The following SLC17A1 variants were observed in gnomAD, a reference collection of about 807,000 sequenced individuals.
The protein encoded by SLC17A1 is sodium-dependent phosphate transport protein 1.
A neutral mutation model predicts 53.5 loss-of-function variants in SLC17A1; 51 were observed. The observed-to-expected ratio is 0.95, with a 90% CI of 0.76 to 1.20. The LOEUF is 1.20. Ranked by LOEUF, SLC17A1 falls within the 50% of genes most tolerant of loss-of-function variation. SLC17A1 has a pLI of 0.00. For missense variants in SLC17A1, 538 were observed against 568.2 expected, an observed-to-expected ratio of 0.95 and a Z score of 0.54; for synonymous variants, 179 against 198.8, an observed-to-expected ratio of 0.90 and a Z score of 0.84.
chr6:25,779,247 A>G (rs970722972), downstream of SLC17A1: 24 of 1,599,676 alleles, frequency 1.5e-5, no homozygotes, highest in Admixed American at 3.7e-4. Flanking sequence ...TCCCTCACAG[A>G]CATTTCTCTT....
chr6:25,799,387 C>CT (rs887071594), intron 11 of SLC17A1, among the ~76,000 whole-genome samples: 13 of 147,652 alleles, frequency 8.8e-5, no homozygotes, highest in Middle Eastern at 3.4e-3. Flanking sequence ...CATTGCAATC[C>CT]TTTTTTTTTT....
chr6:25,761,504 G>A, the SLC17A1 span, among the ~76,000 whole-genome samples: 3,678 of 152,256 alleles, frequency 0.024, 64 homozygotes, highest in Middle Eastern at 0.095. Context: ...ACGTAAAAGG[G>A]TGTTTGCTAT....
At chr6:25,757,056 A>G in the SLC17A1 span, among the ~76,000 whole-genome samples, 1 of 152,196 alleles carries the variant, frequency 6.6e-6, no homozygotes. Flanking sequence ...TCCATTTGCC[A>G]ATGAGTATTT....
At chr6:25,727,327 C>T in the SLC17A1 span, 1 of 1,540,630 alleles carries the variant, frequency 6.5e-7, no homozygotes, top group Middle Eastern at 1.8e-4. Flanking sequence ...AACCCAAAGG[C>T]TCTTTTCAGA....
At chr6:25,792,705 C>A (rs1234730894) in intron 12 of SLC17A1, among the ~76,000 whole-genome samples, 1 of 152,190 alleles carries the variant, frequency 6.6e-6, no homozygotes, top group Non-Finnish European at 1.5e-5. Flanking sequence ...GTAATAAACA[C>A]TCTTTAGTTG....
downstream of SLC17A1, among the ~76,000 whole-genome samples, chr6:25,781,935 G>A (rs1192389759): frequency 6.6e-6 from 1 of 152,234 alleles, no homozygotes; most frequent in Admixed American, 6.5e-5. Flanking sequence ...CTCGAAGAAG[G>A]AGTTGAAAAC....
At chr6:25,726,694 C>T in the SLC17A1 span, 3 of 1,074,684 alleles carry the variant, frequency 2.8e-6, no homozygotes, top group African/African-American at 1.6e-5. Context: ...CGCCACTTCC[C>T]ATTGTCCAAT....
At chr6:25,819,299 A>AT (rs1764464650) in intron 5 of SLC17A1, 145 bp from the exon 6 acceptor site, 22 of 698,660 alleles carry the variant, frequency 3.1e-5, no homozygotes, top group Non-Finnish European at 4.5e-5. Context: ...TAATAAAAAT[A>AT]TTTTCTTTTC....
At chr6:25,726,081 G>A in the SLC17A1 span, 5 of 1,467,924 alleles carry the variant, frequency 3.4e-6, no homozygotes, top group Non-Finnish European at 3.6e-6. Flanking sequence ...TCTGAAAAGA[G>A]CCTTTTGTTT....
At chr6:25,805,486 A>C (rs1203511362) in intron 10 of SLC17A1, among the ~76,000 whole-genome samples, 1 of 152,042 alleles carries the variant, frequency 6.6e-6, no homozygotes, top group Non-Finnish European at 1.5e-5. Flanking sequence ...AAAAGAACAA[A>C]CTAAACCCAA....
chr6:25,764,051 C>T, the SLC17A1 span, among the ~76,000 whole-genome samples: 2 of 152,290 alleles, frequency 1.3e-5, no homozygotes, highest in African/African-American at 4.8e-5. Context: ...CAGCCATGTG[C>T]ATCACAAAGT....
At chr6:25,819,277 A>T (rs1389978007) in intron 5 of SLC17A1, 123 bp from the exon 6 acceptor site, 1 of 707,370 alleles carries the variant, frequency 1.4e-6, no homozygotes, top group East Asian at 2.8e-5. Flanking sequence ...TAACACAAAC[A>T]TCAGAAGAAA....
At chr6:25,732,076 G>A in the SLC17A1 span, 5 of 1,123,820 alleles carry the variant, frequency 4.4e-6, no homozygotes, top group Non-Finnish European at 6.1e-6. Flanking sequence ...CATCTCTTGC[G>A]CTTTTTGTCC....
chr6:25,795,117 T>C (rs1720608639), intron 12 of SLC17A1, among the ~76,000 whole-genome samples: 1 of 152,184 alleles, frequency 6.6e-6, no homozygotes, highest in South Asian at 2.1e-4. Flanking sequence ...GCACTATCCA[T>C]ACTGGTGTTC....
At chr6:25,776,392 C>G in the SLC17A1 span, among the ~76,000 whole-genome samples, 11,997 of 151,164 alleles carry the variant, frequency 0.079, 886 homozygotes, top group African/African-American at 0.2. Flanking sequence ...ATAAAGAGAG[C>G]CTTGTTCTTT....
the SLC17A1 span, chr6:25,726,637 G>A: frequency 1.4e-4 from 188 of 1,310,050 alleles, no homozygotes; most frequent in Non-Finnish European, 1.7e-4. Context: ...GCTGATGGCC[G>A]TCTACCCAAT....
In SLC17A1 at chr6:25,810,710, A is replaced by G. The variant is rs529644406; in HGVS notation, c.1178+688T>C. 3.8e-4 allele frequency among the ~76,000 whole-genome samples: 58 copies of G among 152,322 alleles called. No individual in the cohort carries two copies. In the South Asian group the frequency reaches 9.1e-3, roughly 24 times the overall value. On this transcript the variant is annotated intron_variant, in intron 10 of 12. Transcript: ENST00000244527. ...CAGTATGGATGTTCCTCAAAAAATT[A>G]AAAGTATAACCACTATATGATCCAG...
intron 10 of SLC17A1, among the ~76,000 whole-genome samples, chr6:25,809,488 C>A (rs1359232): frequency 0.34 from 51,368 of 151,846 alleles, 10,426 homozygotes; most frequent in South Asian, 0.47. Flanking sequence ...ACTATCCACA[C>A]ACACACACAC....
At chr6:25,730,589 T>C in the SLC17A1 span, among the ~76,000 whole-genome samples, 181 of 152,326 alleles carry the variant, frequency 1.2e-3, no homozygotes, top group African/African-American at 4.1e-3. Context: ...ATGCTGATTA[T>C]AGTTGGTAAC....
Sources: gnomAD v4.1 joint callset for allele counts (sites outside exome capture counted in the v4.1 genomes callset) on GRCh38, gnomAD v4.1.1 for gene constraint, MANE v1.5 for transcripts, NCBI Gene and HGNC (gene_info 2026-07-23, HGNC 2026-07-21) for gene names.